GALNT13: variants seen among roughly 807,000 people sequenced by gnomAD.
GALNT13 encodes UDP-GalNAc:polypeptide N-acetylgalactosaminyltransferase 13.
GALNT13 carries 28 observed loss-of-function variants against 64.2 expected under a neutral mutation model. The ratio of observed to expected loss-of-function variants is 0.44; its 90% CI spans 0.32 to 0.60. The LOEUF (loss-of-function observed/expected upper bound fraction) is 0.60. GALNT13 is among the 20% of genes least tolerant of loss of function. The probability of loss-of-function intolerance (pLI) is 0.05; values close to 1 mark genes in which losing one functional copy is unlikely to be tolerated. For missense variants in GALNT13, 577 were observed against 669.8 expected (o/e 0.86, Z 1.53); for synonymous variants, 214 against 224.6 (o/e 0.95, Z 0.42).
intron 4 of GALNT13, among the ~76,000 whole-genome samples, chr2:154,238,034 G>T (rs537153990): frequency 2.0e-5 from 3 of 151,976 alleles, no homozygotes; most frequent in Admixed American, 6.6e-5. Context: ...AGGAATGTTG[G>T]CACCACCAAG....
the GALNT13 span, among the ~76,000 whole-genome samples, chr2:153,245,314 G>A: frequency 2.2e-3 from 329 of 152,298 alleles, 1 homozygote; most frequent in African/African-American, 7.2e-3. Context: ...CTCCTCAATG[G>A]GTCCCTGACA....
intron 2 of GALNT13, among the ~76,000 whole-genome samples, chr2:153,909,754 A>C (rs1291414287): frequency 6.6e-6 from 1 of 152,182 alleles, no homozygotes; most frequent in African/African-American, 2.4e-5. Context: ...ATGTTGAATC[A>C]ACCTTGCATT....
At chr2:153,457,022 A>G in the GALNT13 span, among the ~76,000 whole-genome samples, 1 of 152,204 alleles carries the variant, frequency 6.6e-6, no homozygotes, top group Non-Finnish European at 1.5e-5. Context: ...AAGATTCAGA[A>G]TGGCTGTTTC....
intron 11 of GALNT13, chr2:154,436,897 T>TTTGTTG (rs575743800): frequency 6.6e-6 from 1 of 151,914 alleles, no homozygotes; most frequent in African/African-American, 2.4e-5. Context: ...TTTTCTGGGT[T>TTTGTTG]TTGTTGTTGT....
At chr2:154,357,072 TAGA>T (rs1454998375) in intron 9 of GALNT13, among the ~76,000 whole-genome samples, 1 of 152,090 alleles carries the variant, frequency 6.6e-6, no homozygotes, top group African/African-American at 2.4e-5. Context: ...TTACATGAAC[TAGA>T]AGATCTATCT....
At chr2:154,243,252 G>A (rs1269379799) in intron 6 of GALNT13, among the ~76,000 whole-genome samples, 2 of 152,156 alleles carry the variant, frequency 1.3e-5, no homozygotes, top group Non-Finnish European at 2.9e-5. Context: ...GGTAGGTACT[G>A]TAGATATTCT....
intron 4 of GALNT13, among the ~76,000 whole-genome samples, chr2:154,160,942 G>A (rs994009687): frequency 1.3e-5 from 2 of 152,140 alleles, no homozygotes; most frequent in African/African-American, 4.8e-5. Flanking sequence ...GAATTTGGGG[G>A]TAACTTATCA....
chr2:153,984,507 TA>T (rs1694666403), intron 3 of GALNT13, among the ~76,000 whole-genome samples: 2 of 151,726 alleles, frequency 1.3e-5, no homozygotes, highest in Admixed American at 1.3e-4. Context: ...TTATATAAAT[TA>T]TTTTTTATTT....
Position 154,452,841 on chromosome 2 carries a change from A to G in GALNT13, c.*2290A>G, listed in dbSNP as rs989311154. On this transcript the variant is annotated 3_prime_UTR_variant, in exon 13 of 13. Coordinates refer to ENST00000392825, the MANE Select transcript of GALNT13 (RefSeq NM_052917.4). The stretch of plus-strand genomic sequence containing the variant: ...AATGTTTATTGTCTTCAGTACAAAA[A>G]GTTAAAACCATGATTGGATTCATAA... 3 of 152,220 alleles carry G rather than the reference A, an allele frequency of 2.0e-5. No homozygotes were observed. The highest frequency in any genetic ancestry group is 4.4e-5 in the Non-Finnish European group (3 of 68,038). The allele number at this position is 152,220 out of a possible 1,614,324, so 9.4% of individuals were successfully genotyped here.
chr2:153,410,655 A>G, the GALNT13 span, among the ~76,000 whole-genome samples: 1 of 152,250 alleles, frequency 6.6e-6, no homozygotes. Flanking sequence ...CTTGTTAAAA[A>G]AGTTTTTCTA....
Position 153,987,932 on chromosome 2 carries a change from C to T in GALNT13, c.142+43293C>T, listed in dbSNP as rs75310004. On this transcript the variant is annotated intron_variant, in intron 3 of 12. Coordinates refer to ENST00000392825, the MANE Select transcript of GALNT13 (RefSeq NM_052917.4). ...ATTAAAAGGTCTGAAACTATTCCTA[C>T]AGTTAGGATTAATCCCATAAGTATT... 2.4e-3 allele frequency among the ~76,000 whole-genome samples: 363 copies of T among 151,948 alleles called. 4 individuals are homozygous for T. Among genetic ancestry groups the T allele is most frequent in the African/African-American group, 7.9e-3 (329 of 41,522 alleles).
intron 8 of GALNT13, 115 bp downstream of exon 8, chr2:154,259,253 T>A: frequency 1.5e-6 from 1 of 687,814 alleles, no homozygotes; most frequent in Non-Finnish European, 2.6e-6. Context: ...AAATTACTGA[T>A]CAATTGGTTA....
chr2:153,777,852 A>G, the GALNT13 span, among the ~76,000 whole-genome samples: 1 of 152,160 alleles, frequency 6.6e-6, no homozygotes, highest in Non-Finnish European at 1.5e-5. Context: ...TAGTCAGCTC[A>G]GTTAGACTTT....
At chr2:154,235,985 TC>T in intron 4 of GALNT13, 1 of 869,928 alleles carries the variant, frequency 1.1e-6, no homozygotes, top group Non-Finnish European at 1.6e-6. Context: ...TGATTCTGCC[TC>T]CATATTCTTT....
At chr2:153,370,986 T>C in the GALNT13 span, 1 of 215,750 alleles carries the variant, frequency 4.6e-6, no homozygotes, top group Non-Finnish European at 9.8e-6. Flanking sequence ...TGATCAGGCC[T>C]GATGGAGAGA....
At chr2:153,818,158 C>T in the GALNT13 span, among the ~76,000 whole-genome samples, 1 of 152,088 alleles carries the variant, frequency 6.6e-6, no homozygotes, top group Non-Finnish European at 1.5e-5. Context: ...CCCAGAAGAT[C>T]CATACTTCCA....
chr2:153,781,191 A>G, the GALNT13 span, among the ~76,000 whole-genome samples: 3 of 152,194 alleles, frequency 2.0e-5, no homozygotes, highest in Non-Finnish European at 4.4e-5. Flanking sequence ...AGAAGATACT[A>G]AAATTATCAC....
At chr2:154,296,330 C>A (rs549121694) in intron 8 of GALNT13, among the ~76,000 whole-genome samples, 1 of 152,144 alleles carries the variant, frequency 6.6e-6, no homozygotes, top group Non-Finnish European at 1.5e-5. Context: ...TGAACACATT[C>A]TTCTCTGCTC....
intron 3 of GALNT13, among the ~76,000 whole-genome samples, chr2:154,056,140 G>T (rs1375440883): frequency 6.6e-6 from 1 of 151,194 alleles, no homozygotes; most frequent in Admixed American, 6.6e-5. Flanking sequence ...TATTTAAAAA[G>T]AAAAAAAGGA....
Sources: gnomAD v4.1 joint callset for allele counts (sites outside exome capture counted in the v4.1 genomes callset) on GRCh38, gnomAD v4.1.1 for gene constraint, MANE v1.5 for transcripts, NCBI Gene and HGNC (gene_info 2026-07-23, HGNC 2026-07-21) for gene names.